The following TBC1D31 variants were observed in gnomAD, a reference collection of about 807,000 sequenced individuals.
TBC1D31 encodes WD repeat domain 67.
TBC1D31 carries 99 observed loss-of-function variants against 132.9 expected under a neutral mutation model. The observed-to-expected ratio is 0.74, with a 90% CI of 0.63 to 0.88. The LOEUF (loss-of-function observed/expected upper bound fraction) is 0.88. TBC1D31 is among the 40% of genes least tolerant of loss of function. The pLI, the probability that TBC1D31 is intolerant of heterozygous loss-of-function variation, is 0.00. For synonymous variants in TBC1D31, 385 were observed against 419.4 expected (o/e 0.92, Z 1.00); for missense variants, 1,134 against 1,256.6 (o/e 0.90, Z 1.48).
intron 7 of TBC1D31, among the ~76,000 whole-genome samples, chr8:123,104,629 G>T (rs1468935463): frequency 6.6e-6 from 1 of 152,140 alleles, no homozygotes; most frequent in Non-Finnish European, 1.5e-5. Context: ...TGTTTATGGA[G>T]AAAATGTTCT....
chr8:123,126,606 C>T lies in TBC1D31; in HGVS notation c.1803C>T (p.Ser601=). The T allele has an allele frequency of 6.2e-7, 1 of 1,614,024 alleles. No individual in the cohort carries two copies. The highest frequency in any genetic ancestry group is 1.3e-5 in the African/African-American group (1 of 75,016). The change falls in exon 13 of 22, where the codon TCC becomes TCT. Residue 601 remains serine, a synonymous_variant. Transcript: ENST00000287380. ...ATAATATCTTTTCCAACCATCCTTC[C>T]TTCCTTCTGATGACTGTTGTAGCCT... The part of the protein sequence containing the change: ...LFDNIFSNHP[S]FLLMTVVAYN...
chr8:123,123,976 T>G (rs777134244), intron 11 of TBC1D31, among the ~76,000 whole-genome samples: 2 of 152,100 alleles, frequency 1.3e-5, no homozygotes, highest in Non-Finnish European at 2.9e-5. Flanking sequence ...TTAGTTATTT[T>G]GAATGGGGAT....
intron 10 of TBC1D31, among the ~76,000 whole-genome samples, chr8:123,117,590 T>C (rs1055733719): frequency 1.3e-5 from 2 of 150,738 alleles, no homozygotes; most frequent in Non-Finnish European, 3.0e-5. Flanking sequence ...CCGTCTCTAC[T>C]AAAAATACAA....
intron 10 of TBC1D31, among the ~76,000 whole-genome samples, chr8:123,114,235 C>T (rs1818710607): frequency 6.6e-6 from 1 of 152,166 alleles, no homozygotes; most frequent in Admixed American, 6.5e-5. Flanking sequence ...GCTCATGGGG[C>T]ATGATCGTGC....
intron 7 of TBC1D31, chr8:123,102,611 C>A (rs1254080109): frequency 5.5e-6 from 1 of 181,494 alleles, no homozygotes; most frequent in African/African-American, 2.4e-5. Context: ...TTCACCTGCT[C>A]ACTAAAATTT....
Position 123,084,322 on chromosome 8 carries a change from G to A in TBC1D31, c.501G>A (p.Gln167=). Residue 167 remains glutamine, a synonymous_variant, in exon 4 of 22, where the codon CAG becomes CAA. Transcript: ENST00000287380. ...GAAAAAGAAAGCTGAATATTCGCCA[G>A]TCTGTGGGTATACAGAAGGTCAGTG... ...FQRKRKLNIR[Q]SVGIQKVFFL... 1 of 1,614,162 alleles carries A rather than the reference G, an allele frequency of 6.2e-7. No individual in the cohort carries two copies. The highest frequency in any genetic ancestry group is 8.5e-7 in the Non-Finnish European group (1 of 1,180,022).
chr8:123,130,561 A>T (rs1014356585), intron 16 of TBC1D31, among the ~76,000 whole-genome samples: 11 of 151,584 alleles, frequency 7.3e-5, no homozygotes, highest in Admixed American at 2.6e-4. Flanking sequence ...CTTGGTGACT[A>T]TTTCTCTAAA....
rs1822627276 is a variant in TBC1D31 at position 123,150,033 on chromosome 8, C to T, written c.2975-3C>T. The T allele has an allele frequency of 1.2e-6, 2 of 1,611,990 alleles. No homozygotes were observed. The highest frequency in any genetic ancestry group is 1.3e-5 in the African/African-American group (1 of 75,034). On this transcript the variant is annotated splice_region_variant and splice_polypyrimidine_tract_variant and intron_variant, in intron 20 of 21. Transcript: ENST00000287380. The stretch of plus-strand genomic sequence containing the variant: ...CATCTTAATCTCCTCACTTTTATAA[C>T]AGAAGAACCCAGGTTCCAAAATGAA...
chr8:123,124,951 A>T (rs1819891376), intron 11 of TBC1D31, among the ~76,000 whole-genome samples: 1 of 151,870 alleles, frequency 6.6e-6, no homozygotes, highest in African/African-American at 2.4e-5. Context: ...AAAAAAAAAA[A>T]AAAAATTAAG....
chr8:123,121,916 C>G (rs542830586), intron 11 of TBC1D31, among the ~76,000 whole-genome samples: 3 of 152,238 alleles, frequency 2.0e-5, no homozygotes, highest in Admixed American at 2.0e-4. Flanking sequence ...AGGCAGTATA[C>G]AAATGACCAT....
At chr8:123,109,915 G>A (rs138893707) in intron 10 of TBC1D31, among the ~76,000 whole-genome samples, 243 of 152,256 alleles carry the variant, frequency 1.6e-3, no homozygotes, top group African/African-American at 5.2e-3. Context: ...CCATCATGGT[G>A]AAACCTATCT....
At position 123,105,304 on chromosome 8, in the gene TBC1D31, T is replaced by A. The variant is rs1243181631; in HGVS notation, c.1049T>A (p.Val350Glu). ...TCCATTTAGCCACCTCCGCCTTTAGTGAAAGTTATTGAAGATTTGCCCAAG... is the reference window on the plus strand; with the variant it reads ...TCCATTTAGCCACCTCCGCCTTTAGAGAAAGTTATTGAAGATTTGCCCAAG... The part of the protein sequence containing the change: ...QEINKPPPPL[V>E]KVIEDLPKNK... Residue 350 changes from valine to glutamate, a missense_variant, in exon 8 of 22, where the codon GTG becomes GAG. Val to Glu is a moderately radical substitution (Grantham distance 121). Coordinates refer to ENST00000287380, the MANE Select transcript of TBC1D31 (RefSeq NM_145647.4). 5.1e-6 allele frequency: 8 copies of A among 1,566,988 alleles called. No individual in the cohort carries two copies. Among genetic ancestry groups the A allele is most frequent in the Non-Finnish European group, 6.9e-6 (8 of 1,156,152 alleles).
At position 123,128,355 on chromosome 8, in the gene TBC1D31, G is replaced by A. The variant is rs760998409; in HGVS notation, c.1959G>A (p.Thr653=). 1.1e-5 allele frequency: 17 copies of A among 1,613,024 alleles called. No homozygotes were observed. The highest frequency in any genetic ancestry group is 1.6e-4 in the Middle Eastern group (1 of 6,078). ...AAGTTTATCATCTCATGGAGACCAC[G>A]CCTACTGACATTCATCCAGACAGCA... ...IRQVYHLMET[T]PTDIHPDSML... is the part of the protein sequence containing the mutation. Residue 653 remains threonine, a synonymous_variant, in exon 14 of 22, where the codon ACG becomes ACA. Transcript: ENST00000287380.
intron 3 of TBC1D31, chr8:123,083,880 T>G: frequency 3.2e-6 from 1 of 311,918 alleles, no homozygotes; most frequent in Non-Finnish European, 5.9e-6. Context: ...TACATAAAAT[T>G]ACCTGCAAGA....
chr8:123,149,997 C>T (rs562268025), intron 20 of TBC1D31, 39 bp from the exon 21 acceptor site: 1 of 1,491,438 alleles, frequency 6.7e-7, no homozygotes, highest in East Asian at 2.3e-5. Context: ...TTTCTACTCA[C>T]TCCCAAACAT....
intron 4 of TBC1D31, among the ~76,000 whole-genome samples, chr8:123,091,704 T>C (rs1483511322): frequency 6.6e-6 from 1 of 152,200 alleles, no homozygotes; most frequent in Non-Finnish European, 1.5e-5. Context: ...GTGTGTGTTG[T>C]ACAGATGACA....
chr8:123,156,458 A>C (rs554781321), downstream of TBC1D31, among the ~76,000 whole-genome samples: 5 of 151,772 alleles, frequency 3.3e-5, no homozygotes, highest in African/African-American at 1.2e-4. Context: ...AAAAAAAAAA[A>C]AATACCCCAG....
rs1034723763 is a variant in TBC1D31 at position 123,084,229 on chromosome 8, A to G, written c.408A>G (p.Ala136=). Reference sequence around the variant, plus strand: ...CAGTATTTTCGATCTCTGTGCATGCATCAGGGAAATATGCCATCACAACTT... The same window carrying G: ...CAGTATTTTCGATCTCTGTGCATGCGTCAGGGAAATATGCCATCACAACTT... The part of the protein sequence containing the change: ...ESSVFSISVH[A]SGKYAITTSS... Residue 136 remains alanine, a synonymous_variant, in exon 4 of 22, where the codon GCA becomes GCG. Transcript: ENST00000287380. 2 of 1,614,210 alleles carry G rather than the reference A, an allele frequency of 1.2e-6. No homozygotes were observed. Among genetic ancestry groups the G allele is most frequent in the Non-Finnish European group, 1.7e-6 (2 of 1,180,016 alleles).
At chr8:123,078,876 A>G (rs1432795544) in intron 2 of TBC1D31, among the ~76,000 whole-genome samples, 1 of 152,146 alleles carries the variant, frequency 6.6e-6, no homozygotes, top group Non-Finnish European at 1.5e-5. Context: ...ATTATAGAAG[A>G]AAAAAAATTA....
Sources: allele counts gnomAD v4.1 joint callset (sites outside exome capture counted in the v4.1 genomes callset), GRCh38; gene constraint gnomAD v4.1.1; transcripts MANE v1.5; gene names NCBI Gene and HGNC (gene_info 2026-07-23, HGNC 2026-07-21).